CNTNAP2: variants seen among roughly 807,000 people sequenced by gnomAD.
CNTNAP2 encodes contactin associated protein 2.
CNTNAP2 carries 98 observed loss-of-function variants against 155.2 expected under a neutral mutation model. The ratio of observed to expected loss-of-function variants is 0.63; its 90% CI spans 0.54 to 0.75. CNTNAP2 has a LOEUF of 0.75. Among genes scored for constraint, CNTNAP2 ranks in the 30% least tolerant of loss-of-function variants. The probability of loss-of-function intolerance (pLI) is 0.00; values close to 1 mark genes in which losing one functional copy is unlikely to be tolerated. For missense variants in CNTNAP2, 1,727 were observed against 1,688.1 expected (o/e 1.02, Z -0.40); for synonymous variants, 651 against 631.2 (o/e 1.03, Z -0.47).
At chr7:146,929,185 C>A (rs956754579) in intron 3 of CNTNAP2, among the ~76,000 whole-genome samples, 6 of 151,460 alleles carry the variant, frequency 4.0e-5, no homozygotes, top group African/African-American at 1.5e-4. Context: ...TGGGAGGCAC[C>A]CCCCAGTAGG....
intron 13 of CNTNAP2, among the ~76,000 whole-genome samples, chr7:147,754,195 C>G (rs1797181718): frequency 1.3e-5 from 2 of 152,172 alleles, no homozygotes; most frequent in Admixed American, 1.3e-4. Context: ...AATTATCGCT[C>G]CATCATTTCA....
intron 13 of CNTNAP2, among the ~76,000 whole-genome samples, chr7:147,679,512 G>A (rs1055238561): frequency 6.6e-6 from 1 of 151,854 alleles, no homozygotes; most frequent in Non-Finnish European, 1.5e-5. Flanking sequence ...TAAAAATATG[G>A]CCACGTTGTA....
chr7:147,454,793 C>G (rs1206224829), intron 10 of CNTNAP2, among the ~76,000 whole-genome samples: 2 of 151,756 alleles, frequency 1.3e-5, no homozygotes, highest in African/African-American at 4.8e-5. Flanking sequence ...AGCAGATATT[C>G]CTGAAAGGTC....
intron 1 of CNTNAP2, among the ~76,000 whole-genome samples, chr7:146,513,498 A>G (rs1014376617): frequency 3.3e-5 from 5 of 151,944 alleles, no homozygotes; most frequent in African/African-American, 7.2e-5. Flanking sequence ...TCTTATAGCT[A>G]TATAAAGCTC....
chr7:147,111,423 C>T (rs1326829623), intron 5 of CNTNAP2, among the ~76,000 whole-genome samples: 3 of 152,072 alleles, frequency 2.0e-5, no homozygotes, highest in South Asian at 4.1e-4. Flanking sequence ...TTTGGCATCT[C>T]CATCATGAAA....
intron 9 of CNTNAP2, among the ~76,000 whole-genome samples, chr7:147,369,305 A>T (rs1796300820): frequency 6.6e-6 from 1 of 152,208 alleles, no homozygotes; most frequent in Admixed American, 6.5e-5. Flanking sequence ...GACCATGTCC[A>T]GAACCAAACT....
At chr7:147,092,678 T>C (rs1171579134) in intron 4 of CNTNAP2, among the ~76,000 whole-genome samples, 41 of 152,214 alleles carry the variant, frequency 2.7e-4, no homozygotes, top group Admixed American at 2.7e-3. Flanking sequence ...AATTCTGAGC[T>C]TCACCATAGA....
At chr7:146,913,708 C>A (rs1311291329) in intron 3 of CNTNAP2, among the ~76,000 whole-genome samples, 3 of 152,042 alleles carry the variant, frequency 2.0e-5, no homozygotes, top group Non-Finnish European at 4.4e-5. Flanking sequence ...CTCCCAAAGC[C>A]CCTCTCCTAA....
At position 148,419,301 on chromosome 7, in the gene CNTNAP2, T is replaced by C. The variant is rs1800061493; in HGVS notation, c.*3685T>C. The C allele has an allele frequency of 6.6e-6, 1 of 152,202 alleles. No individual in the cohort carries two copies. The highest frequency in any genetic ancestry group is 1.5e-5 in the Non-Finnish European group (1 of 68,032). 9.4% of individuals were successfully genotyped at this position (152,202 alleles called of 1,614,324 possible). A position where few individuals can be genotyped will look rare whatever the true frequency, so the allele number is the denominator to read the frequency against. On this transcript the variant is annotated 3_prime_UTR_variant, in exon 24 of 24. Transcript: ENST00000361727. ...TGAATTCAAGTAAGCCAGCCAAAGA[T>C]AGGTCCTAAATTGCTAGTCCCAGTA...
intron 13 of CNTNAP2, among the ~76,000 whole-genome samples, chr7:147,647,481 T>G (rs1795385381): frequency 6.6e-6 from 1 of 152,196 alleles, no homozygotes; most frequent in Non-Finnish European, 1.5e-5. Flanking sequence ...CTACAATTCT[T>G]ACCCACGGTG....
chr7:147,603,760 C>G lies in CNTNAP2; in HGVS notation c.1898-35346C>G, dbSNP rs892484750. 3.9e-5 allele frequency among the ~76,000 whole-genome samples: 6 copies of G among 152,230 alleles called. No individual in the cohort carries two copies. The East Asian group carries it at 9.7e-4, about 25-fold the overall frequency. ...TGGAACCAAAAAAGAGCCCACATCA[C>G]CAAGTCAATCCTAAGCCAAAAGAAC... On this transcript the variant is annotated intron_variant, in intron 12 of 23. Transcript: ENST00000361727.
chr7:148,338,398 G>A lies in CNTNAP2; in HGVS notation c.3476-45251G>A, dbSNP rs767817061. Among the ~76,000 whole-genome samples the A allele has an allele frequency of 8.5e-4, 130 of 152,282 alleles. 3 individuals are homozygous for A. Among genetic ancestry groups the A allele is most frequent in the Non-Finnish European group, 2.4e-4 (16 of 68,036 alleles). On this transcript the variant is annotated intron_variant, in intron 21 of 23. Transcript: ENST00000361727. Reference sequence around the variant, plus strand: ...TTCCTGTTGTCCTTCATTTGGAAAAGACAGAAGAACAGAGCGCTTTACGAA... The same window carrying A: ...TTCCTGTTGTCCTTCATTTGGAAAAAACAGAAGAACAGAGCGCTTTACGAA...
At chr7:147,532,513 G>T (rs1799460025) in intron 11 of CNTNAP2, among the ~76,000 whole-genome samples, 1 of 152,124 alleles carries the variant, frequency 6.6e-6, no homozygotes, top group South Asian at 2.1e-4. Flanking sequence ...AACTGTTCCA[G>T]CCTCTGCCTG....
At chr7:147,685,489 T>G (rs1277891194) in intron 13 of CNTNAP2, among the ~76,000 whole-genome samples, 2 of 151,966 alleles carry the variant, frequency 1.3e-5, no homozygotes, top group Non-Finnish European at 2.9e-5. Context: ...AAAATATGTT[T>G]CAGATCCAAA....
intron 11 of CNTNAP2, among the ~76,000 whole-genome samples, chr7:147,516,861 T>C (rs1799137645): frequency 6.8e-6 from 1 of 146,522 alleles, no homozygotes; most frequent in Non-Finnish European, 1.5e-5. Context: ...TTTTTTTTTT[T>C]TTTTTGCGTG....
chr7:147,296,703 G>A (rs1805454564), intron 8 of CNTNAP2, among the ~76,000 whole-genome samples: 1 of 152,136 alleles, frequency 6.6e-6, no homozygotes, highest in African/African-American at 2.4e-5. Context: ...ATGAATATGG[G>A]TGCATATTGT....
chr7:147,622,122 A>G (rs1044863039), intron 12 of CNTNAP2, among the ~76,000 whole-genome samples: 1 of 151,990 alleles, frequency 6.6e-6, no homozygotes, highest in Non-Finnish European at 1.5e-5. Flanking sequence ...ACAGTGGAGT[A>G]CCGCGATATA....
chr7:147,346,224 G>C (rs1339996407), intron 9 of CNTNAP2, among the ~76,000 whole-genome samples: 5 of 148,574 alleles, frequency 3.4e-5, no homozygotes, highest in African/African-American at 5.0e-5. Context: ...GCGCAATCTC[G>C]GCTCACTGCA....
At chr7:146,658,155 T>C (rs1800026106) in intron 1 of CNTNAP2, among the ~76,000 whole-genome samples, 1 of 152,208 alleles carries the variant, frequency 6.6e-6, no homozygotes, top group African/African-American at 2.4e-5. Context: ...AGACTGAGGC[T>C]AGATTCACCA....
Sources: allele counts gnomAD v4.1 joint callset (sites outside exome capture counted in the v4.1 genomes callset), GRCh38; gene constraint gnomAD v4.1.1; transcripts MANE v1.5; gene names NCBI Gene and HGNC (gene_info 2026-07-23, HGNC 2026-07-21).